Variants in F13A1 observed in about 807,000 individuals in gnomAD.
F13A1 encodes FSF, A subunit.
F13A1 carries 47 observed loss-of-function variants against 80.1 expected under a neutral mutation model. The observed-to-expected ratio is 0.59, with a 90% CI of 0.46 to 0.75. F13A1 has a LOEUF of 0.75. Ranked by LOEUF, F13A1 falls within the 30% of genes least tolerant of loss-of-function variation. The pLI is 0.00. For synonymous variants in F13A1, 349 were observed against 344.9 expected (o/e 1.01, Z -0.13); for missense variants, 817 against 930.4 (o/e 0.88, Z 1.59).
chr6:6,261,334 T>G (rs571163088), intron 4 of F13A1, among the ~76,000 whole-genome samples: 18 of 152,258 alleles, frequency 1.2e-4, no homozygotes, highest in African/African-American at 4.3e-4. Flanking sequence ...CTGGCGGGGC[T>G]GCCTCGAACT....
intron 8 of F13A1, among the ~76,000 whole-genome samples, chr6:6,213,479 G>T (rs1425621859): frequency 6.7e-6 from 1 of 148,746 alleles, no homozygotes; most frequent in African/African-American, 2.5e-5. Context: ...AGCAAATGCT[G>T]AGAGATTTTG....
chr6:6,305,730 A>G (rs1758504102), intron 2 of F13A1, 191 bp from the exon 3 acceptor site: 1 of 621,836 alleles, frequency 1.6e-6, no homozygotes, highest in Non-Finnish European at 2.8e-6. Flanking sequence ...GTTTTTGAAG[A>G]GAGCTTTTTA....
In F13A1 at chr6:6,172,451, G is replaced by GTTTT. The variant is rs60664705; in HGVS notation, c.1747+2125_1747+2128dup. Among the ~76,000 whole-genome samples the GTTTT allele has an allele frequency of 1.3e-3, 188 of 148,052 alleles. 3 individuals are homozygous for GTTTT. Among genetic ancestry groups the GTTTT allele is most frequent in the East Asian group, 5.2e-3 (26 of 5,018 alleles). On this transcript the variant is annotated intron_variant, in intron 12 of 14. Coordinates refer to ENST00000264870, the MANE Select transcript of F13A1 (RefSeq NM_000129.4). ...TAGTTTCCAAAGAAAACACTATAGT[G>GTTTT]TTTTTTTTTTTTGAGATGAAGTCTT...
intron 3 of F13A1, among the ~76,000 whole-genome samples, chr6:6,299,707 GCT>G (rs1239976874): frequency 1.4e-5 from 2 of 144,658 alleles, no homozygotes; most frequent in Non-Finnish European, 3.0e-5. Flanking sequence ...TCCTCCCGTA[GCT>G]CAGAGTAATT....
At chr6:6,148,409 C>A (rs1047164024) in intron 14 of F13A1, among the ~76,000 whole-genome samples, 13 of 152,152 alleles carry the variant, frequency 8.5e-5, no homozygotes, top group Admixed American at 2.0e-4. Flanking sequence ...GGTTCAATAA[C>A]CCCTGCCTTC....
chr6:6,203,530 C>A (rs944909923), intron 8 of F13A1, among the ~76,000 whole-genome samples: 5 of 152,190 alleles, frequency 3.3e-5, no homozygotes, highest in Non-Finnish European at 5.9e-5. Context: ...ATAGAAGCAT[C>A]TATGAGTTCT....
rs920171076 is a variant in F13A1 at position 6,296,601 on chromosome 6, C to G, written c.319+8750G>C. The stretch of plus-strand genomic sequence containing the variant: ...TGATTTTTGTACATTGATTTTGTAT[C>G]CTGAGACTTTGCTGAAGTTGCTTAT... On this transcript the variant is annotated intron_variant, in intron 3 of 14. Transcript: ENST00000264870. Among the ~76,000 whole-genome samples, 96 of 150,144 alleles carry G rather than the reference C, an allele frequency of 6.4e-4. 1 individual carries two copies. Among genetic ancestry groups the G allele is most frequent in the Non-Finnish European group, 1.2e-3 (83 of 67,460 alleles).
intron 8 of F13A1, among the ~76,000 whole-genome samples, chr6:6,215,989 A>T (rs1463946786): frequency 7.3e-6 from 1 of 137,340 alleles, no homozygotes; most frequent in Non-Finnish European, 1.6e-5. Context: ...GGACCTCTTC[A>T]GGGAGAACTA....
Position 6,313,280 on chromosome 6 carries a change from C to CTTTTTTTTTTTTTTTT in F13A1, c.130+5239_130+5254dup, listed in dbSNP as rs5874027. ...ATGGAACAGCTCATTGCTAAGCCGC[C>CTTTTTTTTTTTTTTTT]TTTTTTTTTTTTTTTTTTTTAAATA... is the stretch of plus-strand genomic sequence containing the variant. On this transcript the variant is annotated intron_variant, in intron 2 of 14. Transcript: ENST00000264870. Among the ~76,000 whole-genome samples the CTTTTTTTTTTTTTTTT allele has an allele frequency of 6.5e-4, 82 of 126,730 alleles. 1 individual carries two copies. Among genetic ancestry groups the CTTTTTTTTTTTTTTTT allele is most frequent in the Middle Eastern group, 4.1e-3 (1 of 242 alleles). The allele number at this position is 126,730 out of a possible 152,430, so 83.1% of individuals were successfully genotyped here. A position where few individuals can be genotyped will look rare whatever the true frequency, so the allele number is the denominator to read the frequency against.
At chr6:6,237,659 C>T (rs759146648) in intron 6 of F13A1, among the ~76,000 whole-genome samples, 39 of 152,194 alleles carry the variant, frequency 2.6e-4, no homozygotes, top group Non-Finnish European at 5.1e-4. Context: ...GATGTCCTTA[C>T]TCTTTGATCA....
At chr6:6,290,477 T>G (rs1561680594) in intron 3 of F13A1, among the ~76,000 whole-genome samples, 1 of 152,218 alleles carries the variant, frequency 6.6e-6, no homozygotes, top group East Asian at 1.9e-4. Context: ...GTGTTTATAG[T>G]AGAACAATTT....
chr6:6,182,794 G>A (rs1761012950), intron 10 of F13A1, among the ~76,000 whole-genome samples: 1 of 152,108 alleles, frequency 6.6e-6, no homozygotes, highest in South Asian at 2.1e-4. Flanking sequence ...CCCGCATCAG[G>A]ACCACCTATT....
At chr6:6,211,822 C>T (rs1186122617) in intron 8 of F13A1, among the ~76,000 whole-genome samples, 3 of 152,236 alleles carry the variant, frequency 2.0e-5, no homozygotes, top group Non-Finnish European at 4.4e-5. Flanking sequence ...TGGGTGCGCG[C>T]ACCATGCGCG....
chr6:6,147,013 A>G (rs1760293983), intron 14 of F13A1, among the ~76,000 whole-genome samples: 1 of 152,222 alleles, frequency 6.6e-6, no homozygotes. Flanking sequence ...AGTGACCTAG[A>G]TGAAACTGGA....
intron 4 of F13A1, among the ~76,000 whole-genome samples, chr6:6,253,446 T>C (rs1757662948): frequency 1.3e-5 from 2 of 152,148 alleles, no homozygotes; most frequent in Admixed American, 1.3e-4. Context: ...CATACAAATC[T>C]GCTGTTACCC....
intron 13 of F13A1, 90 bp downstream of exon 13, chr6:6,167,368 A>G: frequency 1.5e-6 from 2 of 1,302,786 alleles, no homozygotes; most frequent in South Asian, 2.4e-5. Context: ...TCATTCACAC[A>G]CACACACACA....
Position 6,162,306 on chromosome 6 carries a change from G to T in F13A1, c.1908+5152C>A, listed in dbSNP as rs540092442. On this transcript the variant is annotated intron_variant, in intron 13 of 14. Transcript: ENST00000264870. The surrounding 1 kb of genome is among the most constrained non-coding windows in gnomAD (Gnocchi z 4.2). ...GCTTCTCACTGCTCTACATACTGCC[G>T]TCCACCTCCCCTCTAGCCCTTGCTA... is the stretch of plus-strand genomic sequence containing the variant. Among the ~76,000 whole-genome samples, 2 of 152,046 alleles carry T rather than the reference G, an allele frequency of 1.3e-5. No individual in the cohort carries two copies. Among genetic ancestry groups the T allele is most frequent in the African/African-American group, 4.8e-5 (2 of 41,362 alleles).
In F13A1 at chr6:6,320,643, G is replaced by C. The variant is rs768758315; in HGVS notation, c.-75C>G. 5 of 470,444 alleles carry C rather than the reference G, an allele frequency of 1.1e-5. No individual in the cohort carries two copies. The highest frequency in any genetic ancestry group is 2.4e-5 in the Admixed American group (1 of 42,480). 29.1% of individuals were successfully genotyped at this position (470,444 alleles called of 1,614,324 possible). Reference sequence around the variant, plus strand: ...CGTGGGCTTGCTCTGTGCGCCTCGGGGACTTCCTCAAACGGACTCGGGAAA... The same window carrying C: ...CGTGGGCTTGCTCTGTGCGCCTCGGCGACTTCCTCAAACGGACTCGGGAAA... On this transcript the variant is annotated 5_prime_UTR_variant, in exon 1 of 15. Transcript: ENST00000264870.
chr6:6,297,075 C>T (rs1000710729), intron 3 of F13A1, among the ~76,000 whole-genome samples: 4 of 146,612 alleles, frequency 2.7e-5, no homozygotes, highest in Non-Finnish European at 4.5e-5. Context: ...ATTGAACCAG[C>T]CTTGCATCCC....
Sources: allele counts gnomAD v4.1 joint callset (sites outside exome capture counted in the v4.1 genomes callset), GRCh38; gene constraint gnomAD v4.1.1; non-coding constraint Gnocchi (gnomAD v3.1); transcripts MANE v1.5; gene names NCBI Gene and HGNC (gene_info 2026-07-23, HGNC 2026-07-21).